AMPD3: variants seen among roughly 807,000 people sequenced by gnomAD.
The protein encoded by AMPD3 is adenosine monophosphate deaminase 3, also known as AMP deaminase 3.
AMPD3 carries 57 observed loss-of-function variants against 82.3 expected under a neutral mutation model. That is an observed-to-expected ratio of 0.69 (90% confidence interval 0.56 to 0.86). The LOEUF is 0.86. Among genes scored for constraint, AMPD3 ranks in the 40% least tolerant of loss-of-function variants. The probability of loss-of-function intolerance (pLI) is 0.00; values close to 1 mark genes in which losing one functional copy is unlikely to be tolerated. For synonymous variants in AMPD3, 381 were observed against 394.7 expected (o/e 0.97, Z 0.41); for missense variants, 870 against 1,003.8 (o/e 0.87, Z 1.80).
intron 5 of AMPD3, 173 bp from the exon 6 acceptor site, chr11:10,487,062 G>C (rs1849092877): frequency 2.1e-6 from 2 of 969,358 alleles, no homozygotes; most frequent in African/African-American, 3.5e-5. Flanking sequence ...TATAGAGTCT[G>C]TGGATATGAC....
In AMPD3 at chr11:10,456,411, CG is replaced by C. The variant is rs1564836838; in HGVS notation, c.-6+967del. On this transcript the variant is annotated intron_variant, in intron 1 of 14. Transcript: ENST00000396553. The surrounding 1 kb of genome is among the most constrained non-coding windows in gnomAD (Gnocchi z 4.3). ...CATGGAGCCAGGCTCAGGTCTGTGT[CG>C]GGGCTTCTGCAAGGGGAGTCTGGCA... 1 of 1,613,744 alleles carries C rather than the reference CG, an allele frequency of 6.2e-7. No individual in the cohort carries two copies. Among genetic ancestry groups the C allele is most frequent in the East Asian group, 2.2e-5 (1 of 44,884 alleles).
chr11:10,495,178 G>GCTGTGGT, intron 8 of AMPD3, 148 bp downstream of exon 8: 1 of 1,584,550 alleles, frequency 6.3e-7, no homozygotes, highest in South Asian at 1.1e-5. Context: ...GGTGCCCAGT[G>GCTGTGGT]CTGTGGTCTG....
chr11:10,497,023 G>A (rs933266193), intron 10 of AMPD3, 85 bp downstream of exon 10: 4 of 1,530,506 alleles, frequency 2.6e-6, no homozygotes, highest in South Asian at 1.1e-5. Flanking sequence ...GCTTGCTCCT[G>A]CCCTTCACGA....
At chr11:10,469,476 A>G (rs1265394021) in intron 2 of AMPD3, among the ~76,000 whole-genome samples, 1 of 152,250 alleles carries the variant, frequency 6.6e-6, no homozygotes, top group East Asian at 1.9e-4. Flanking sequence ...TAGACCAATA[A>G]CAAGTTATGA....
rs189813696 is a variant in AMPD3, at chr11:10,482,300, G to A, written c.589+75G>A. 2.2e-5 allele frequency: 33 copies of A among 1,528,546 alleles called. No individual in the cohort carries two copies. In the Admixed American group the frequency reaches 2.9e-4, roughly 13 times the overall value. The allele number at this position is 1,528,546 out of a possible 1,614,324, so 94.7% of individuals were successfully genotyped here. A position where few individuals can be genotyped will look rare whatever the true frequency, so the allele number is the denominator to read the frequency against. On this transcript the variant is annotated intron_variant, in intron 4 of 14. Transcript: ENST00000396553. ...GCTAGTCAGGGCTTTTTTCTGGCTC[G>A]GTCTATTTCCCCTGATAGTATTTTA...
intron 6 of AMPD3, among the ~76,000 whole-genome samples, chr11:10,487,912 CACACG>C (rs1849122885): frequency 6.6e-6 from 1 of 152,096 alleles, no homozygotes; most frequent in Non-Finnish European, 1.5e-5. Context: ...ACCACCATGG[CACACG>C]TTTACCTATG....
intron 11 of AMPD3, chr11:10,500,530 C>CGTGTCCACACATTTAT: frequency 1.2e-6 from 1 of 868,272 alleles, no homozygotes; most frequent in South Asian, 5.3e-5. Context: ...ACAGTCCACA[C>CGTGTCCACACATTTAT]GTGTCCACAC....
intron 6 of AMPD3, among the ~76,000 whole-genome samples, chr11:10,492,940 G>A (rs1044243306): frequency 3.3e-5 from 5 of 152,160 alleles, no homozygotes; most frequent in African/African-American, 1.2e-4. Context: ...CTTGGTGTGT[G>A]GTGTACCCGT....
At chr11:10,477,904 G>T in intron 2 of AMPD3, 2 of 985,466 alleles carry the variant, frequency 2.0e-6, no homozygotes, top group Non-Finnish European at 2.4e-6. Context: ...TGGGGCCTAT[G>T]ATGCCTGTAA....
At position 10,484,829 on chromosome 11, in the gene AMPD3, CT is replaced by C. The variant is rs1849016432; in HGVS notation, c.600del (p.Pro201LeufsTer58). On this transcript the variant is annotated frameshift_variant, in exon 5 of 15. Coordinates refer to ENST00000396553, the MANE Select transcript of AMPD3 (RefSeq NM_001025389.2). LOFTEE classifies it high-confidence loss of function. ...PPEEGLPDFH[P>X]PPLPQEDPYC... is the part of the protein sequence containing the mutation. ...CAATCCTGTTTTGCAGACTTCCACC[CT>C]CCTCCACTGCCCCAGGAAGACCCCT... is the stretch of plus-strand genomic sequence containing the variant. 1.9e-6 allele frequency: 3 copies of C among 1,614,012 alleles called. No homozygotes were observed. In the East Asian group the frequency reaches 6.7e-5, roughly 36 times the overall value.
chr11:10,486,771 A>G (rs1849082973), intron 5 of AMPD3: 4 of 985,216 alleles, frequency 4.1e-6, no homozygotes, highest in Non-Finnish European at 3.6e-6. Flanking sequence ...CTCCTTCTTC[A>G]AGGAATGACA....
chr11:10,474,079 C>G (rs144582400), intron 2 of AMPD3, among the ~76,000 whole-genome samples: 118 of 152,290 alleles, frequency 7.7e-4, no homozygotes, highest in Non-Finnish European at 1.4e-3. Flanking sequence ...AGTGTCTCCT[C>G]TGGGGTCCCA....
intron 5 of AMPD3, among the ~76,000 whole-genome samples, chr11:10,486,068 G>A (rs1849059682): frequency 1.3e-5 from 2 of 152,174 alleles, no homozygotes; most frequent in African/African-American, 4.8e-5. Context: ...CCTGATCTGA[G>A]GGCAGAACTA....
chr11:10,501,695 G>C (rs928347672), intron 12 of AMPD3, 105 bp downstream of exon 12: 3 of 1,595,842 alleles, frequency 1.9e-6, no homozygotes, highest in Non-Finnish European at 2.6e-6. Flanking sequence ...TTCTGGGCTG[G>C]GATGTCTGTC....
upstream of AMPD3, chr11:10,450,577 T>G: frequency 1.0e-6 from 1 of 987,390 alleles, no homozygotes; most frequent in Non-Finnish European, 1.2e-6. Context: ...AGTTGAGGTC[T>G]GGGGAGCCCG....
chr11:10,501,244 T>C lies in AMPD3; in HGVS notation c.1722-226T>C, dbSNP rs527741616. 3 of 985,316 alleles carry C rather than the reference T, an allele frequency of 3.0e-6. No homozygotes were observed. The African/African-American group carries it at 5.2e-5, about 17-fold the overall frequency. 61.0% of individuals were successfully genotyped at this position (985,316 alleles called of 1,614,324 possible). Reference sequence around the variant, plus strand: ...AGGGCACAGCAGGGTCTCTTTCTACTGCGAGGCCCACTCTCTGCCCGTAGA... The same window carrying C: ...AGGGCACAGCAGGGTCTCTTTCTACCGCGAGGCCCACTCTCTGCCCGTAGA... On this transcript the variant is annotated intron_variant, in intron 11 of 14. Coordinates refer to ENST00000396553, the MANE Select transcript of AMPD3 (RefSeq NM_001025389.2).
At chr11:10,495,366 C>T in intron 8 of AMPD3, 1 of 985,350 alleles carries the variant, frequency 1.0e-6, no homozygotes, top group Non-Finnish European at 1.2e-6. Flanking sequence ...TTCTGCAGAC[C>T]CAAGGCCTTC....
Position 10,500,184 on chromosome 11 carries a change from C to T in AMPD3, c.1656C>T (p.Asn552=). The part of the protein sequence containing the change: ...PNPDVWTSEQ[N]PPYSYYLYYM... Reference sequence around the variant, plus strand: ...CGGACGTCTGGACCAGTGAGCAGAACCCACCCTACAGCTACTACCTGTACT... The same window carrying T: ...CGGACGTCTGGACCAGTGAGCAGAATCCACCCTACAGCTACTACCTGTACT... The change falls in exon 11 of 15, where the codon AAC becomes AAT. Residue 552 remains asparagine, a synonymous_variant. Coordinates refer to ENST00000396553, the MANE Select transcript of AMPD3 (RefSeq NM_001025389.2). 6.2e-7 allele frequency: 1 copy of T among 1,614,236 alleles called. No homozygotes were observed.
upstream of AMPD3, among the ~76,000 whole-genome samples, chr11:10,452,403 C>T (rs750492868): frequency 9.2e-5 from 14 of 152,052 alleles, no homozygotes; most frequent in Non-Finnish European, 1.3e-4. Context: ...GGACAACAGA[C>T]AATTGCTTTG....
Sources: allele counts gnomAD v4.1 joint callset (sites outside exome capture counted in the v4.1 genomes callset), GRCh38; gene constraint gnomAD v4.1.1; non-coding constraint Gnocchi (gnomAD v3.1); transcripts MANE v1.5; gene names NCBI Gene and HGNC (gene_info 2026-07-23, HGNC 2026-07-21).